VCAN: variants seen among roughly 807,000 people sequenced by gnomAD.
The protein encoded by VCAN is versican core protein.
VCAN carries 44 observed loss-of-function variants against 245.5 expected under a neutral mutation model. The ratio of observed to expected loss-of-function variants is 0.18; its 90% CI spans 0.14 to 0.23. The LOEUF (loss-of-function observed/expected upper bound fraction) is 0.23. Among genes scored for constraint, VCAN ranks in the 10% least tolerant of loss-of-function variants. VCAN has a pLI of 1.00. For synonymous variants in VCAN, 1,413 were observed against 1,437.0 expected, an observed-to-expected ratio of 0.98 and a Z score of 0.38; for missense variants, 3,793 against 4,057.9, an observed-to-expected ratio of 0.93 and a Z score of 1.77.
Position 83,537,716 on chromosome 5 carries a change from T to G in VCAN, c.4713T>G (p.Gly1571=). ...AFARATEVTF[G]EEVEKSTSVT... Reference sequence around the variant, plus strand: ...CAAGGGCTACAGAAGTAACATTTGGTGAAGAGGTAGAAAAAAGTACTTCTG... The same window carrying G: ...CAAGGGCTACAGAAGTAACATTTGGGGAAGAGGTAGAAAAAAGTACTTCTG... Residue 1571 remains glycine, a synonymous_variant, in exon 8 of 15, where the codon GGT becomes GGG. Transcript: ENST00000265077. 2 of 1,613,924 alleles carry G rather than the reference T, an allele frequency of 1.2e-6. No homozygotes were observed. Among genetic ancestry groups the G allele is most frequent in the Non-Finnish European group, 1.7e-6 (2 of 1,179,932 alleles).
Position 83,537,659 on chromosome 5 carries a change from C to A in VCAN, c.4656C>A (p.Ala1552=), listed in dbSNP as rs371492951. 6 of 1,613,712 alleles carry A rather than the reference C, an allele frequency of 3.7e-6. No homozygotes were observed. The highest frequency in any genetic ancestry group is 3.4e-6 in the Non-Finnish European group (4 of 1,179,900). Residue 1552 remains alanine (A), a synonymous_variant, in exon 8 of 15, where the codon GCC becomes GCA. Coordinates refer to ENST00000265077, the MANE Select transcript of VCAN (RefSeq NM_004385.5). ...CTGAAGAGTCTTCAGGAGAGATTGCCATTGACCAAGAATCTCAGAAAATAG... is the reference window on the plus strand; with the variant it reads ...CTGAAGAGTCTTCAGGAGAGATTGCAATTGACCAAGAATCTCAGAAAATAG... The part of the protein sequence containing the change: ...LFPEESSGEI[A]IDQESQKIAF...
chr5:83,534,102 T>C (rs1490589715), intron 7 of VCAN: 1 of 152,038 alleles, frequency 6.6e-6, no homozygotes, highest in Non-Finnish European at 1.5e-5. Flanking sequence ...GGCATACCTT[T>C]GTGTCTTCTT....
At chr5:83,529,708 A>G (rs2112426336) in intron 7 of VCAN, among the ~76,000 whole-genome samples, 1 of 152,146 alleles carries the variant, frequency 6.6e-6, no homozygotes, top group Admixed American at 6.6e-5. Context: ...TAATACTACA[A>G]CCTCACCACA....
At chr5:83,553,955 A>T (rs1468945863) in intron 11 of VCAN, among the ~76,000 whole-genome samples, 1 of 152,220 alleles carries the variant, frequency 6.6e-6, no homozygotes, top group African/African-American at 2.4e-5. Context: ...ATTGTTAATA[A>T]TAGCACCCTA....
chr5:83,569,220 AG>A (rs1748194139), intron 12 of VCAN, among the ~76,000 whole-genome samples: 1 of 152,198 alleles, frequency 6.6e-6, no homozygotes, highest in Admixed American at 6.6e-5. Context: ...GGGGTCCAAA[AG>A]CAAGAACTTT....
intron 12 of VCAN, among the ~76,000 whole-genome samples, chr5:83,563,824 A>G (rs1284192040): frequency 6.6e-6 from 1 of 152,148 alleles, no homozygotes; most frequent in Non-Finnish European, 1.5e-5. Flanking sequence ...CGGAAAAACA[A>G]ACTAACTGTG....
At chr5:83,476,230 C>T (rs1342260003) in intron 1 of VCAN, among the ~76,000 whole-genome samples, 1 of 152,198 alleles carries the variant, frequency 6.6e-6, no homozygotes, top group African/African-American at 2.4e-5. Flanking sequence ...CTCTGTCTCC[C>T]AAAGTCTGGC....
intron 12 of VCAN, among the ~76,000 whole-genome samples, chr5:83,565,906 G>GA (rs34205964): frequency 0.15 from 22,872 of 147,890 alleles, 2,074 homozygotes; most frequent in South Asian, 0.25. Context: ...TTAACACAAG[G>GA]AAAAAAAAAC....
chr5:83,568,928 C>T (rs1748182610), intron 12 of VCAN, among the ~76,000 whole-genome samples: 1 of 151,962 alleles, frequency 6.6e-6, no homozygotes, highest in Non-Finnish European at 1.5e-5. Context: ...ACACATACAT[C>T]CATACACCCA....
At chr5:83,579,510 C>A (rs959033975) in intron 13 of VCAN, among the ~76,000 whole-genome samples, 1 of 152,020 alleles carries the variant, frequency 6.6e-6, no homozygotes, top group Non-Finnish European at 1.5e-5. Flanking sequence ...TGATCCACCC[C>A]GCTTGGCCTC....
chr5:83,545,142 C>T (rs556299961), intron 8 of VCAN: 3 of 271,806 alleles, frequency 1.1e-5, no homozygotes, highest in East Asian at 8.8e-5. Context: ...TCTGTGTATC[C>T]AGCCATTTCA....
At chr5:83,559,833 T>G (rs971905857) in intron 12 of VCAN, among the ~76,000 whole-genome samples, 2 of 152,112 alleles carry the variant, frequency 1.3e-5, no homozygotes, top group African/African-American at 2.4e-5. Flanking sequence ...TGATCATCAG[T>G]ATACACACAT....
intron 12 of VCAN, among the ~76,000 whole-genome samples, chr5:83,561,564 T>C (rs1156286863): frequency 6.6e-6 from 1 of 152,164 alleles, no homozygotes; most frequent in Non-Finnish European, 1.5e-5. Context: ...CCTTCACCAG[T>C]TGATTCGAGT....
intron 12 of VCAN, among the ~76,000 whole-genome samples, chr5:83,560,225 G>T (rs1561270011): frequency 6.6e-6 from 1 of 152,026 alleles, no homozygotes; most frequent in Non-Finnish European, 1.5e-5. Flanking sequence ...TTATATCAGG[G>T]CAGGTTTTCC....
intron 2 of VCAN, among the ~76,000 whole-genome samples, chr5:83,486,141 G>GTAAA (rs143511329): frequency 1.4e-3 from 215 of 152,032 alleles, no homozygotes; most frequent in Non-Finnish European, 2.0e-3. Flanking sequence ...TCAATAACTG[G>GTAAA]TAAATAAATA....
chr5:83,528,023 G>A (rs151211762), intron 7 of VCAN, among the ~76,000 whole-genome samples: 19 of 152,258 alleles, frequency 1.2e-4, no homozygotes, highest in African/African-American at 4.6e-4. Flanking sequence ...TTACCTTCGG[G>A]TAAAGCTATA....
At chr5:83,509,877 C>T (rs1745598879) in intron 5 of VCAN, among the ~76,000 whole-genome samples, 2 of 152,176 alleles carry the variant, frequency 1.3e-5, no homozygotes, top group Admixed American at 1.3e-4. Flanking sequence ...AGGCAGCAGC[C>T]ATCTCTCCAA....
chr5:83,540,486 C>G lies in VCAN; in HGVS notation c.7483C>G (p.Gln2495Glu). 6.2e-7 allele frequency: 1 copy of G among 1,613,892 alleles called. No individual in the cohort carries two copies. The part of the protein sequence containing the change: ...VSVMLPLHSE[Q>E]NKSSPDPTST... Reference sequence around the variant, plus strand: ...AGTGATGCTGCCTCTTCATTCAGAGCAGAACAAAAGCTCCCCTGATCCAAC... The same window carrying G: ...AGTGATGCTGCCTCTTCATTCAGAGGAGAACAAAAGCTCCCCTGATCCAAC... Residue 2495 changes from glutamine (Q) to glutamate (E), a missense_variant, in exon 8 of 15, where the codon CAG becomes GAG. By Grantham distance (29) the Gln-to-Glu change is conservative. Around this residue, in one of 5 missense-constraint regions of VCAN, gnomAD observed 3,182 missense variants for 3,250.3 expected, o/e 0.98. Transcript: ENST00000265077.
chr5:83,552,259 ATTTAT>A (rs1230189007), intron 10 of VCAN, among the ~76,000 whole-genome samples: 2 of 152,186 alleles, frequency 1.3e-5, no homozygotes, highest in South Asian at 2.1e-4. Context: ...TAAAGCAAAC[ATTTAT>A]TTAATTTAGT....
Sources: gnomAD v4.1 joint callset for allele counts (sites outside exome capture counted in the v4.1 genomes callset) on GRCh38, gnomAD v4.1.1 for gene constraint, gnomAD v4.1.1 regional missense constraint, MANE v1.5 for transcripts, NCBI Gene and HGNC (gene_info 2026-07-23, HGNC 2026-07-21) for gene names.